The following TLK1 variants were observed in gnomAD, a reference collection of about 807,000 sequenced individuals.
TLK1 encodes tousled like kinase 1.
In TLK1, 24 loss-of-function variants were observed where a neutral mutation model predicts 105.3. The ratio of observed to expected loss-of-function variants is 0.23; its 90% CI spans 0.17 to 0.32. The LOEUF is 0.32. Ranked by LOEUF, TLK1 falls within the 10% of genes least tolerant of loss-of-function variation. TLK1 has a pLI of 1.00. For synonymous variants in TLK1, 321 were observed against 310.4 expected, an observed-to-expected ratio of 1.03 and a Z score of -0.36; for missense variants, 558 against 910.5, an observed-to-expected ratio of 0.61 and a Z score of 4.98.
At position 171,070,485 on chromosome 2, in the gene TLK1, G is replaced by A. The variant is rs375718925; in HGVS notation, c.331-9329C>T. On this transcript the variant is annotated intron_variant, in intron 3 of 20. Coordinates refer to ENST00000431350, the MANE Select transcript of TLK1 (RefSeq NM_012290.5). ...ACCCTCTTTCCCCATAAGTTGCATT[G>A]TCTTAATTTTTAGCTCCCACAAATA... Among the ~76,000 whole-genome samples the A allele has an allele frequency of 3.3e-5, 5 of 152,120 alleles. No individual in the cohort carries two copies. The East Asian group carries it at 9.7e-4, about 29-fold the overall frequency.
At chr2:171,142,430 G>A (rs2105579527) in intron 1 of TLK1, among the ~76,000 whole-genome samples, 1 of 152,164 alleles carries the variant, frequency 6.6e-6, no homozygotes, top group Non-Finnish European at 1.5e-5. Flanking sequence ...CTGAAAGAAT[G>A]GAAAAAGCTG....
Position 171,025,715 on chromosome 2 carries a change from T to A in TLK1, c.1236+2624A>T, listed in dbSNP as rs540031455. ...CTGTCCTGTGTTTTAAAAATCTGTT[T>A]AATCTTTTTTAGAAAACAGAATGAC... On this transcript the variant is annotated intron_variant, in intron 12 of 20. Coordinates refer to ENST00000431350, the MANE Select transcript of TLK1 (RefSeq NM_012290.5). 2.0e-5 allele frequency among the ~76,000 whole-genome samples: 3 copies of A among 152,330 alleles called. No homozygotes were observed. In the South Asian group the frequency reaches 6.2e-4, roughly 32 times the overall value.
At chr2:171,026,154 GAA>G (rs896962739) in intron 12 of TLK1, among the ~76,000 whole-genome samples, 35 of 152,184 alleles carry the variant, frequency 2.3e-4, no homozygotes, top group African/African-American at 8.2e-4. Context: ...AAAAAAGCAG[GAA>G]AAAGATTATG....
intron 3 of TLK1, among the ~76,000 whole-genome samples, chr2:171,070,576 T>A (rs1051099461): frequency 2.3e-4 from 35 of 152,326 alleles, no homozygotes; most frequent in African/African-American, 8.2e-4. Context: ...TGACCTCCAG[T>A]TCCATCCATG....
At chr2:171,083,199 C>T (rs1688824430) in intron 2 of TLK1, among the ~76,000 whole-genome samples, 1 of 152,140 alleles carries the variant, frequency 6.6e-6, no homozygotes, top group South Asian at 2.1e-4. Context: ...CTAATGCTAC[C>T]TTTGGCTGAA....
At position 171,006,212 on chromosome 2, in the gene TLK1, A is replaced by T. The variant is rs1219300040; in HGVS notation, c.1839T>A (p.Ile613=). ...IKITDFGLSK[I]MDDDSYGVDG... ...CTACACCATAGCTATCATCATCCATAATCTTGGACAGACCAAAATCAGTGA... is the reference window on the plus strand; with the variant it reads ...CTACACCATAGCTATCATCATCCATTATCTTGGACAGACCAAAATCAGTGA... Residue 613 remains isoleucine, a synonymous_variant, in exon 18 of 21, where the codon ATT becomes ATA. Coordinates refer to ENST00000431350, the MANE Select transcript of TLK1 (RefSeq NM_012290.5). 2 of 1,610,514 alleles carry T rather than the reference A, an allele frequency of 1.2e-6. No homozygotes were observed. Among genetic ancestry groups the T allele is most frequent in the Non-Finnish European group, 1.7e-6 (2 of 1,178,560 alleles).
chr2:171,228,070 G>T (rs1013004312), intron 1 of TLK1, among the ~76,000 whole-genome samples: 1 of 152,160 alleles, frequency 6.6e-6, no homozygotes, highest in African/African-American at 2.4e-5. Flanking sequence ...CAGCTACTTG[G>T]GAGGCTGAGA....
chr2:171,225,449 G>T (rs142118061), intron 1 of TLK1, among the ~76,000 whole-genome samples: 4 of 152,052 alleles, frequency 2.6e-5, no homozygotes, highest in Non-Finnish European at 5.9e-5. Context: ...ATGACTATAA[G>T]GGGAAAAAAA....
At chr2:171,083,454 T>C (rs550882779) in intron 2 of TLK1, among the ~76,000 whole-genome samples, 19 of 152,214 alleles carry the variant, frequency 1.2e-4, no homozygotes, top group Non-Finnish European at 2.2e-4. Flanking sequence ...GAGCTAACAT[T>C]CTGTAGGATG....
At chr2:171,103,047 C>T (rs977159605) in intron 2 of TLK1, among the ~76,000 whole-genome samples, 5 of 151,894 alleles carry the variant, frequency 3.3e-5, no homozygotes, top group African/African-American at 7.3e-5. Flanking sequence ...TGAATGAAGT[C>T]AGCGTGAAGT....
intron 3 of TLK1, among the ~76,000 whole-genome samples, chr2:171,066,463 A>G (rs977327770): frequency 6.6e-5 from 10 of 152,208 alleles, no homozygotes; most frequent in Non-Finnish European, 1.5e-5. Context: ...AAAGTATGCC[A>G]CCTCATACAT....
intron 2 of TLK1, among the ~76,000 whole-genome samples, chr2:171,114,231 G>C (rs537681006): frequency 6.6e-6 from 1 of 152,126 alleles, no homozygotes; most frequent in African/African-American, 2.4e-5. Flanking sequence ...GATGGTGTAT[G>C]GTAGGCAGAA....
chr2:171,152,791 A>C (rs1199632286), intron 1 of TLK1, among the ~76,000 whole-genome samples: 1 of 152,270 alleles, frequency 6.6e-6, no homozygotes, highest in African/African-American at 2.4e-5. Flanking sequence ...TTATGGCTCC[A>C]GTGGGTTTAT....
upstream of TLK1, among the ~76,000 whole-genome samples, chr2:171,164,426 G>A (rs914832038): frequency 5.3e-5 from 8 of 152,112 alleles, no homozygotes; most frequent in African/African-American, 1.9e-4. Flanking sequence ...GGCCAAGGTG[G>A]GAGGATCACT....
intron 1 of TLK1, among the ~76,000 whole-genome samples, chr2:171,201,775 G>A (rs1054148448): frequency 2.0e-5 from 3 of 152,134 alleles, no homozygotes; most frequent in African/African-American, 4.8e-5. Flanking sequence ...CTTCACGCAC[G>A]GTCTCTGCAG....
chr2:171,058,404 A>G (rs1687599849), intron 4 of TLK1, among the ~76,000 whole-genome samples: 1 of 152,152 alleles, frequency 6.6e-6, no homozygotes, highest in Non-Finnish European at 1.5e-5. Context: ...AAACTACATT[A>G]TTAATACTGC....
intron 1 of TLK1, among the ~76,000 whole-genome samples, chr2:171,203,971 G>C (rs1693451568): frequency 6.6e-6 from 1 of 151,994 alleles, no homozygotes; most frequent in Non-Finnish European, 1.5e-5. Flanking sequence ...AGAATCGCTT[G>C]AACCGGTGGG....
At chr2:171,151,766 C>T (rs541759438) in intron 1 of TLK1, among the ~76,000 whole-genome samples, 2 of 152,098 alleles carry the variant, frequency 1.3e-5, no homozygotes, top group South Asian at 2.1e-4. Flanking sequence ...TGAGCCACCG[C>T]GCCCAGCCAT....
chr2:171,023,529 A>C (rs1416324513), intron 12 of TLK1, among the ~76,000 whole-genome samples: 1 of 152,100 alleles, frequency 6.6e-6, no homozygotes, highest in Non-Finnish European at 1.5e-5. Flanking sequence ...TCTCCAACTA[A>C]TCAAATATTT....
Sources: allele counts gnomAD v4.1 joint callset (sites outside exome capture counted in the v4.1 genomes callset), GRCh38; gene constraint gnomAD v4.1.1; transcripts MANE v1.5; gene names NCBI Gene and HGNC (gene_info 2026-07-23, HGNC 2026-07-21).